MRPL3: variants seen among roughly 807,000 people sequenced by gnomAD.
MRPL3 encodes the protein mitochondrial ribosomal protein L3, also known as large ribosomal subunit protein uL3m.
MRPL3 carries 43 observed loss-of-function variants against 44.3 expected under a neutral mutation model. That is an observed-to-expected ratio of 0.97 (90% confidence interval 0.76 to 1.25). The LOEUF (loss-of-function observed/expected upper bound fraction) is 1.25, where lower values mean the gene tolerates loss of function less well. Among genes scored for constraint, MRPL3 ranks in the 50% most tolerant of loss-of-function variants. The pLI, the probability that MRPL3 is intolerant of heterozygous loss-of-function variation, is 0.00. For synonymous variants in MRPL3, 171 were observed against 152.3 expected (o/e 1.12, Z -0.91); for missense variants, 406 against 427.6 (o/e 0.95, Z 0.45).
intron 6 of MRPL3, chr3:131,479,166 T>C (rs771304496): frequency 3.9e-6 from 2 of 519,104 alleles, no homozygotes; most frequent in Non-Finnish European, 7.7e-6. Flanking sequence ...AACTCCAAAT[T>C]ATTCTTGCAT....
At chr3:131,482,306 G>T (rs1436013934) in intron 6 of MRPL3, among the ~76,000 whole-genome samples, 1 of 152,022 alleles carries the variant, frequency 6.6e-6, no homozygotes, top group Non-Finnish European at 1.5e-5. Flanking sequence ...CACGAGGTCA[G>T]GAGATCGAGA....
At chr3:131,483,164 G>A (rs1025461341) in intron 6 of MRPL3, among the ~76,000 whole-genome samples, 4 of 152,008 alleles carry the variant, frequency 2.6e-5, no homozygotes, top group African/African-American at 9.7e-5. Flanking sequence ...GAAAATGTTA[G>A]ACTCTAAACC....
At chr3:131,494,660 CTCGA>C (rs769984334) in intron 4 of MRPL3, among the ~76,000 whole-genome samples, 4 of 152,138 alleles carry the variant, frequency 2.6e-5, no homozygotes, top group African/African-American at 7.2e-5. Context: ...AAACATACTT[CTCGA>C]TTATCATCCA....
Position 131,487,669 on chromosome 3 carries a change from T to C in MRPL3, c.629+11A>G, listed in dbSNP as rs750871353. 1 of 1,605,120 alleles carries C rather than the reference T, an allele frequency of 6.2e-7. No individual in the cohort carries two copies. The highest frequency in any genetic ancestry group is 1.1e-5 in the South Asian group (1 of 89,634). ...AACAAAAGGAAAAGAGAACTCGCTA[T>C]GAGGACCTACGTTTTGGCTGTGACA... On this transcript the variant is annotated intron_variant, in intron 6 of 9. Coordinates refer to ENST00000264995, the MANE Select transcript of MRPL3 (RefSeq NM_007208.4).
chr3:131,480,816 A>G (rs1274598558), intron 6 of MRPL3, among the ~76,000 whole-genome samples: 1 of 152,226 alleles, frequency 6.6e-6, no homozygotes, highest in African/African-American at 2.4e-5. Flanking sequence ...GTCATGTATT[A>G]TTTCTTTAGT....
chr3:131,495,093 G>A (rs2110713371), intron 4 of MRPL3, among the ~76,000 whole-genome samples: 1 of 152,142 alleles, frequency 6.6e-6, no homozygotes, highest in South Asian at 2.1e-4. Flanking sequence ...ATTTCTTGGA[G>A]GCATAAATTC....
chr3:131,485,168 C>T (rs1018423143), intron 6 of MRPL3, among the ~76,000 whole-genome samples: 4 of 152,166 alleles, frequency 2.6e-5, no homozygotes, highest in African/African-American at 4.8e-5. Context: ...AAGTTTTCCT[C>T]TTTTACTTTA....
At chr3:131,473,424 TG>T (rs1315664220) in intron 6 of MRPL3, among the ~76,000 whole-genome samples, 3 of 147,942 alleles carry the variant, frequency 2.0e-5, no homozygotes, top group African/African-American at 5.0e-5. Context: ...AAAGACTTAA[TG>T]AAAAAAAAAA....
rs1041130278 is a variant in MRPL3, at chr3:131,493,108, C to A, written c.469-3028G>T. Among the ~76,000 whole-genome samples, 5 of 152,164 alleles carry A rather than the reference C, an allele frequency of 3.3e-5. No homozygotes were observed. The South Asian group carries it at 1.0e-3, about 32-fold the overall frequency. ...ACCATAAATGAAGAACCCGCAGGCC[C>A]CCAATGGCTATGTTACTCTATGTAT... On this transcript the variant is annotated intron_variant, in intron 4 of 9. Transcript: ENST00000264995.
rs1933522231 is a variant in MRPL3 at position 131,462,859 on chromosome 3, A to G, written c.911T>C (p.Leu304Pro). 1 of 1,610,596 alleles carries G rather than the reference A, an allele frequency of 6.2e-7. No individual in the cohort carries two copies. Among genetic ancestry groups the G allele is most frequent in the African/African-American group, 1.3e-5 (1 of 74,902 alleles). The change falls in exon 10 of 10, where the codon CTG becomes CCG. Residue 304 changes from leucine to proline, a missense_variant. Physicochemically the swap from Leu to Pro is moderately conservative, Grantham distance 98. Coordinates refer to ENST00000264995, the MANE Select transcript of MRPL3 (RefSeq NM_007208.4). Reference sequence around the variant, plus strand: ...TTTACCGAGATCCTTATATGCAGGCAGTTTAGAATCTTTGACCTGAGAGAA... The same window carrying G: ...TTTACCGAGATCCTTATATGCAGGCGGTTTAGAATCTTTGACCTGAGAGAA... ...NCLVKVKDSK[L>P]PAYKDLGKNL... is the part of the protein sequence containing the mutation.
intron 6 of MRPL3, among the ~76,000 whole-genome samples, chr3:131,486,821 G>T (rs1046586711): frequency 3.9e-5 from 6 of 152,216 alleles, no homozygotes; most frequent in Non-Finnish European, 7.3e-5. Context: ...TGGAGAGGAT[G>T]TGGAGAAATA....
intron 5 of MRPL3, among the ~76,000 whole-genome samples, chr3:131,488,487 C>T (rs536236326): frequency 1.3e-5 from 2 of 152,136 alleles, no homozygotes; most frequent in Non-Finnish European, 2.9e-5. Flanking sequence ...TTTATAAGAA[C>T]TATTTGGCAA....
At chr3:131,486,364 CAAAAAAAAAAAA>C (rs36151946) in intron 6 of MRPL3, among the ~76,000 whole-genome samples, 1 of 46,706 alleles carries the variant, frequency 2.1e-5, no homozygotes, top group South Asian at 1.3e-3. Context: ...TTCTGCACGG[CAAAAAAAAAAAA>C]AAAAAAAAAA....
chr3:131,498,319 A>G (rs1934414199), intron 3 of MRPL3, 42 bp from the exon 4 acceptor site: 1 of 1,283,764 alleles, frequency 7.8e-7, no homozygotes, highest in African/African-American at 1.5e-5. Flanking sequence ...GTGCCAATAT[A>G]TATTTTAACA....
At chr3:131,484,060 T>G (rs2171189) in intron 6 of MRPL3, among the ~76,000 whole-genome samples, 1 of 151,976 alleles carries the variant, frequency 6.6e-6, no homozygotes, top group African/African-American at 2.4e-5. Context: ...TAATAAATAC[T>G]CACTTTTATT....
chr3:131,482,593 G>A (rs1332873613), intron 6 of MRPL3, among the ~76,000 whole-genome samples: 1 of 152,028 alleles, frequency 6.6e-6, no homozygotes, highest in Non-Finnish European at 1.5e-5. Flanking sequence ...AAAGGGTAAT[G>A]AGAATTTAAA....
At chr3:131,497,928 G>C in intron 4 of MRPL3, 1 of 482,070 alleles carries the variant, frequency 2.1e-6, no homozygotes, top group East Asian at 3.9e-5. Flanking sequence ...CCATTGTACA[G>C]ATATACAAGC....
intron 4 of MRPL3, among the ~76,000 whole-genome samples, chr3:131,495,015 A>G: frequency 6.6e-6 from 1 of 152,186 alleles, no homozygotes; most frequent in Non-Finnish European, 1.5e-5. Flanking sequence ...TTCCTCATTC[A>G]AAAACACTAT....
chr3:131,469,397 T>A (rs1933691083), intron 8 of MRPL3, among the ~76,000 whole-genome samples: 1 of 152,076 alleles, frequency 6.6e-6, no homozygotes, highest in Non-Finnish European at 1.5e-5. Flanking sequence ...GAATCTTACT[T>A]TTTTCATGCA....
Sources: gnomAD v4.1 joint callset for allele counts (sites outside exome capture counted in the v4.1 genomes callset) on GRCh38, gnomAD v4.1.1 for gene constraint, MANE v1.5 for transcripts, NCBI Gene and HGNC (gene_info 2026-07-23, HGNC 2026-07-21) for gene names.